PIPOX: variants seen among roughly 807,000 people sequenced by gnomAD.
PIPOX encodes the protein pipecolic acid and sarcosine oxidase, also known as peroxisomal sarcosine oxidase.
PIPOX carries 45 observed loss-of-function variants against 47.9 expected under a neutral mutation model. The ratio of observed to expected loss-of-function variants is 0.94; its 90% CI spans 0.74 to 1.20. PIPOX has a LOEUF of 1.20. Among genes scored for constraint, PIPOX ranks in the 50% most tolerant of loss-of-function variants. PIPOX has a pLI of 0.00. For synonymous variants in PIPOX, 165 were observed against 191.3 expected (o/e 0.86, Z 1.13); for missense variants, 458 against 498.4 (o/e 0.92, Z 0.77).
At position 29,054,597 on chromosome 17, in the gene PIPOX, G is replaced by A. The variant is rs140581256; in HGVS notation, c.713G>A (p.Gly238Asp). Residue 238 changes from glycine (G) to aspartate (D), a missense_variant, in exon 5 of 8, where the codon GGT becomes GAT. By Grantham distance (94) the Gly-to-Asp change is moderately conservative (BLOSUM62 -1). Transcript: ENST00000323372. ...CGAGAGATGGTTCCTGGGAGCTATG[G>A]TGTGTCCCAGGCCTTTCCGTGCTTC... ...YWREMVPGSY[G>D]VSQAFPCFLW... 6.2e-7 allele frequency: 1 copy of A among 1,614,174 alleles called. No individual in the cohort carries two copies.
At chr17:29,044,619 G>T (rs532794157) in intron 1 of PIPOX, among the ~76,000 whole-genome samples, 8 of 152,130 alleles carry the variant, frequency 5.3e-5, no homozygotes, top group Non-Finnish European at 8.8e-5. Context: ...GACTACAAGT[G>T]CCACCACACC....
chr17:29,045,097 G>A, intron 2 of PIPOX, 90 bp downstream of exon 2: 3 of 1,389,038 alleles, frequency 2.2e-6, no homozygotes, highest in South Asian at 1.4e-5. Flanking sequence ...GGAACATTTG[G>A]AATGCAATGG....
intron 4 of PIPOX, 89 bp downstream of exon 4, chr17:29,053,684 G>A (rs1874202292): frequency 2.1e-6 from 2 of 964,522 alleles, no homozygotes; most frequent in Non-Finnish European, 3.1e-6. Context: ...TCTGCCTCTT[G>A]CTAGTGGACA....
Position 29,054,609 on chromosome 17 carries a change from C to A in PIPOX, c.725C>A (p.Ala242Asp), listed in dbSNP as rs1267447911. The change falls in exon 5 of 8, where the codon GCC becomes GAC. Residue 242 changes from alanine to aspartate, a missense_variant. Ala to Asp is a moderately radical substitution (Grantham distance 126). Coordinates refer to ENST00000323372, the MANE Select transcript of PIPOX (RefSeq NM_016518.3). ...MVPGSYGVSQ[A>D]FPCFLWLGLC... ...CCTGGGAGCTATGGTGTGTCCCAGG[C>A]CTTTCCGTGCTTCCTGTGGCTGGGC... is the stretch of plus-strand genomic sequence containing the variant. The A allele has an allele frequency of 6.2e-7, 1 of 1,614,040 alleles. No individual in the cohort carries two copies. Among genetic ancestry groups the A allele is most frequent in the Non-Finnish European group, 8.5e-7 (1 of 1,180,010 alleles).
chr17:29,051,337 C>T (rs955071940), intron 2 of PIPOX, among the ~76,000 whole-genome samples: 8 of 152,160 alleles, frequency 5.3e-5, no homozygotes, highest in African/African-American at 1.7e-4. Flanking sequence ...GGGCACGCTG[C>T]GCGGCTCTGT....
chr17:29,046,869 C>A, intron 2 of PIPOX: 1 of 511,240 alleles, frequency 2.0e-6, no homozygotes, highest in Non-Finnish European at 2.5e-6. Flanking sequence ...CTTTTTTCAT[C>A]TGTGAAGTAG....
intron 1 of PIPOX, among the ~76,000 whole-genome samples, chr17:29,043,975 A>G (rs2065775969): frequency 6.6e-6 from 1 of 152,182 alleles, no homozygotes; most frequent in South Asian, 2.1e-4. Flanking sequence ...TCCTTCGAGG[A>G]CAGGGCCACC....
rs1489344881 is a variant in PIPOX at position 29,056,318 on chromosome 17, A to G, written c.*13A>G. The G allele has an allele frequency of 4.3e-6, 7 of 1,614,098 alleles. No individual in the cohort carries two copies. The Admixed American group carries it at 1.2e-4, about 27-fold the overall frequency. On this transcript the variant is annotated 3_prime_UTR_variant, in exon 8 of 8. Coordinates refer to ENST00000323372, the MANE Select transcript of PIPOX (RefSeq NM_016518.3). ...AGCCCACCTTTGACCTCTGGCCAGAAGCCTCCCTTCTGTGCACAGGAGCCA... is the reference window on the plus strand; with the variant it reads ...AGCCCACCTTTGACCTCTGGCCAGAGGCCTCCCTTCTGTGCACAGGAGCCA...
intron 2 of PIPOX, among the ~76,000 whole-genome samples, chr17:29,050,942 C>A (rs2065803745): frequency 6.6e-6 from 1 of 151,888 alleles, no homozygotes; most frequent in Non-Finnish European, 1.5e-5. Context: ...GAGTTCGAAA[C>A]CAGCCTGGCC....
intron 5 of PIPOX, 128 bp downstream of exon 5, chr17:29,054,819 G>T: frequency 8.6e-7 from 1 of 1,166,094 alleles, no homozygotes; most frequent in South Asian, 1.5e-5. Flanking sequence ...CACTCATGGC[G>T]ATTTGCAAGG....
At chr17:29,054,831 A>T in intron 5 of PIPOX, 140 bp downstream of exon 5, 1 of 1,142,998 alleles carries the variant, frequency 8.7e-7, no homozygotes, top group Admixed American at 2.4e-5. Context: ...TTTGCAAGGA[A>T]AGACCCTCAG....
At chr17:29,047,020 C>T (rs952930806) in intron 2 of PIPOX, among the ~76,000 whole-genome samples, 6 of 152,190 alleles carry the variant, frequency 3.9e-5, no homozygotes, top group African/African-American at 1.4e-4. Flanking sequence ...GGCATGGTGG[C>T]TCACGCCTGT....
At chr17:29,046,680 G>A in intron 2 of PIPOX, 1 of 985,440 alleles carries the variant, frequency 1.0e-6, no homozygotes, top group African/African-American at 1.7e-5. Flanking sequence ...GGGAGTGGCA[G>A]CAGGAAAGAG....
Position 29,053,106 on chromosome 17 carries a change from T to G in PIPOX, c.450T>G (p.Tyr150Ter). Residue 150 changes from tyrosine (Y) to a stop codon, truncating the protein, a stop_gained, in exon 3 of 8, where the codon TAT (tyrosine) becomes TAG (stop). Transcript: ENST00000323372. LOFTEE classifies it high-confidence loss of function. ...TGGACAATTCCGGAGGAGTTATCTATGCATATAAGGCCCTCAGAGCCCTGC... is the reference window on the plus strand; with the variant it reads ...TGGACAATTCCGGAGGAGTTATCTAGGCATATAAGGCCCTCAGAGCCCTGC... Reference protein sequence around the residue: ...GLLDNSGGVIYAYKALRALQD... With the variant: ...GLLDNSGGVI 1 of 1,614,192 alleles carries G rather than the reference T, an allele frequency of 6.2e-7. No individual in the cohort carries two copies. Among genetic ancestry groups the G allele is most frequent in the Non-Finnish European group, 8.5e-7 (1 of 1,180,022 alleles).
intron 4 of PIPOX, 116 bp downstream of exon 4, chr17:29,053,711 T>C (rs998981704): frequency 1.6e-6 from 1 of 640,372 alleles, no homozygotes; most frequent in South Asian, 2.6e-5. Flanking sequence ...GGCACATTCA[T>C]TCACCTCACC....
chr17:29,054,434 C>CA (rs1180753692), intron 4 of PIPOX, 111 bp from the exon 5 acceptor site: 10 of 1,128,384 alleles, frequency 8.9e-6, no homozygotes, highest in Non-Finnish European at 1.3e-5. Context: ...ATGAGTTCAA[C>CA]TGGGTGTCCA....
intron 5 of PIPOX, 72 bp from the exon 6 acceptor site, chr17:29,054,991 G>A (rs1443610835): frequency 1.1e-5 from 18 of 1,583,602 alleles, no homozygotes; most frequent in South Asian, 9.0e-5. Context: ...CTGTGTACAC[G>A]CCTGCCCTTC....
At chr17:29,050,999 G>A (rs1375206327) in intron 2 of PIPOX, among the ~76,000 whole-genome samples, 1 of 151,916 alleles carries the variant, frequency 6.6e-6, no homozygotes, top group Non-Finnish European at 1.5e-5. Flanking sequence ...GTGAGCGCCT[G>A]TAATCTCAGC....
chr17:29,053,229 C>G (rs182431272), intron 3 of PIPOX, 96 bp downstream of exon 3: 2 of 1,317,426 alleles, frequency 1.5e-6, no homozygotes, highest in Admixed American at 3.7e-5. Flanking sequence ...TGGATGAGGC[C>G]TTTGCCCTGC....
Sources: gnomAD v4.1 joint callset for allele counts (sites outside exome capture counted in the v4.1 genomes callset) on GRCh38, gnomAD v4.1.1 for gene constraint, MANE v1.5 for transcripts, NCBI Gene and HGNC (gene_info 2026-07-23, HGNC 2026-07-21) for gene names.